Variants in TOM1L2 observed in about 807,000 individuals in gnomAD.
TOM1L2 encodes target of myb1 like 2 membrane trafficking protein.
Under a neutral mutation model 67.9 loss-of-function variants are expected in TOM1L2, and 31 were observed. The ratio of observed to expected loss-of-function variants is 0.46; its 90% CI spans 0.34 to 0.62. The LOEUF is 0.62. Among genes scored for constraint, TOM1L2 ranks in the 20% least tolerant of loss-of-function variants. The pLI is 0.01. For synonymous variants in TOM1L2, 256 were observed against 254.0 expected (o/e 1.01, Z -0.07); for missense variants, 606 against 663.5 (o/e 0.91, Z 0.95).
At position 17,906,132 on chromosome 17, in the gene TOM1L2, A is replaced by T. The variant is rs67325661; in HGVS notation, c.137+1315T>A. Among the ~76,000 whole-genome samples the T allele has an allele frequency of 0.014, 475 of 34,640 alleles. 4 individuals are homozygous for T. The East Asian group carries it at 0.29, about 21-fold the overall frequency. The allele number at this position is 34,640 out of a possible 152,430, so 22.7% of individuals were successfully genotyped here. A position where few individuals can be genotyped will look rare whatever the true frequency, so the allele number is the denominator to read the frequency against. On this transcript the variant is annotated intron_variant, in intron 2 of 14. Transcript: ENST00000379504. Reference sequence around the variant, plus strand: ...TTCTGTTGTTTTGTCTTCTCTTTTCATTTTTTTTTTTTTTGAGACAGGGTT... The same window carrying T: ...TTCTGTTGTTTTGTCTTCTCTTTTCTTTTTTTTTTTTTTTGAGACAGGGTT...
chr17:17,924,630 G>A (rs777229693), intron 1 of TOM1L2, among the ~76,000 whole-genome samples: 1 of 152,078 alleles, frequency 6.6e-6, no homozygotes, highest in Non-Finnish European at 1.5e-5. Flanking sequence ...CAGGCATGGT[G>A]GTACATGCCT....
At chr17:17,860,954 C>G (rs769071002) in intron 12 of TOM1L2, among the ~76,000 whole-genome samples, 7 of 152,200 alleles carry the variant, frequency 4.6e-5, no homozygotes, top group Non-Finnish European at 1.0e-4. Context: ...CTCTCGAGTG[C>G]CTTCTAATGG....
chr17:17,867,139 G>A (rs1215940656), intron 8 of TOM1L2, among the ~76,000 whole-genome samples: 1 of 152,154 alleles, frequency 6.6e-6, no homozygotes, highest in Non-Finnish European at 1.5e-5. Flanking sequence ...CCCAGAGTGG[G>A]CATCAGAAAG....
At chr17:17,924,994 C>T (rs985382486) in intron 1 of TOM1L2, among the ~76,000 whole-genome samples, 7 of 152,108 alleles carry the variant, frequency 4.6e-5, no homozygotes, top group African/African-American at 7.2e-5. Context: ...AATATCTGGT[C>T]AGTTAAAAGT....
At chr17:17,930,948 A>G (rs1429303308) in intron 1 of TOM1L2, among the ~76,000 whole-genome samples, 3 of 152,154 alleles carry the variant, frequency 2.0e-5, no homozygotes, top group Non-Finnish European at 4.4e-5. Context: ...AAGTTTTGAG[A>G]TTTATTGCAG....
chr17:17,966,053 G>A (rs113278018), intron 1 of TOM1L2, among the ~76,000 whole-genome samples: 7,343 of 152,148 alleles, frequency 0.048, 504 homozygotes, highest in African/African-American at 0.15. Context: ...CCCAGGAGGT[G>A]GAGGTTGCAG....
At chr17:17,933,001 T>C (rs2040395501) in intron 1 of TOM1L2, among the ~76,000 whole-genome samples, 1 of 152,226 alleles carries the variant, frequency 6.6e-6, no homozygotes, top group African/African-American at 2.4e-5. Context: ...TGCATTCAGC[T>C]GCAAGCAATT....
chr17:17,919,316 C>T (rs1366595681), intron 1 of TOM1L2, among the ~76,000 whole-genome samples: 1 of 152,180 alleles, frequency 6.6e-6, no homozygotes, highest in Non-Finnish European at 1.5e-5. Flanking sequence ...GGAGCTCTGC[C>T]AGTGCCCTCC....
intron 2 of TOM1L2, among the ~76,000 whole-genome samples, chr17:17,900,138 GGGAGAC>G (rs1396676337): frequency 6.6e-6 from 1 of 152,112 alleles, no homozygotes; most frequent in Admixed American, 6.6e-5. Context: ...GCTTGAACCT[GGGAGAC>G]GGAGGTTGCA....
intron 1 of TOM1L2, among the ~76,000 whole-genome samples, chr17:17,934,021 T>C (rs1234562633): frequency 4.6e-5 from 7 of 152,028 alleles, no homozygotes; most frequent in African/African-American, 1.4e-4. Flanking sequence ...ATTTAGATAC[T>C]AGGTTAGGAA....
chr17:17,968,223 G>T (rs192346676), intron 1 of TOM1L2, among the ~76,000 whole-genome samples: 1 of 152,160 alleles, frequency 6.6e-6, no homozygotes, highest in Admixed American at 6.5e-5. Context: ...CCTGGCACAG[G>T]CCTGGCCCCC....
At chr17:17,953,064 G>A (rs761548279) in intron 1 of TOM1L2, among the ~76,000 whole-genome samples, 1 of 152,158 alleles carries the variant, frequency 6.6e-6, no homozygotes, top group Non-Finnish European at 1.5e-5. Context: ...CAGATCACTT[G>A]AGGCCAGGAG....
chr17:17,961,081 GAAC>G (rs1568392619), intron 1 of TOM1L2, among the ~76,000 whole-genome samples: 1 of 152,008 alleles, frequency 6.6e-6, no homozygotes. Context: ...TCCTAAAACC[GAAC>G]AACAACAAAA....
At chr17:17,958,550 G>T (rs1380039860) in intron 1 of TOM1L2, among the ~76,000 whole-genome samples, 1 of 152,112 alleles carries the variant, frequency 6.6e-6, no homozygotes, top group African/African-American at 2.4e-5. Context: ...ACTACCCCAT[G>T]CTTACCCTCC....
At chr17:17,854,209 G>A (rs1160919680) in intron 12 of TOM1L2, among the ~76,000 whole-genome samples, 1 of 152,188 alleles carries the variant, frequency 6.6e-6, no homozygotes, top group Non-Finnish European at 1.5e-5. Context: ...TAATGTAGGT[G>A]CTATCAGACT....
intron 2 of TOM1L2, among the ~76,000 whole-genome samples, chr17:17,903,852 T>C (rs2038967861): frequency 6.6e-6 from 1 of 151,716 alleles, no homozygotes; most frequent in Non-Finnish European, 1.5e-5. Context: ...ATCCAGTGAA[T>C]GACGGGATCT....
At chr17:17,896,073 C>T (rs2038553152) in intron 3 of TOM1L2, among the ~76,000 whole-genome samples, 1 of 152,080 alleles carries the variant, frequency 6.6e-6, no homozygotes, top group Non-Finnish European at 1.5e-5. Flanking sequence ...AGGCATTTTC[C>T]TTTCTGAGTC....
At chr17:17,869,115 C>T in intron 8 of TOM1L2, 5 of 758,152 alleles carry the variant, frequency 6.6e-6, no homozygotes, top group Non-Finnish European at 1.0e-5. Flanking sequence ...AAGGGCAGAG[C>T]CTAATTCTGC....
In TOM1L2 at chr17:17,882,759, T is replaced by G. The variant is rs1331736510; in HGVS notation, c.606A>C (p.Ala202=). 3.7e-6 allele frequency: 6 copies of G among 1,613,998 alleles called. No homozygotes were observed. The highest frequency in any genetic ancestry group is 2.7e-5 in the African/African-American group (2 of 74,914). The change falls in exon 6 of 15, where the codon GCA becomes GCC. Residue 202 remains alanine (A), a synonymous_variant. Coordinates refer to ENST00000379504, the MANE Select transcript of TOM1L2 (RefSeq NM_001082968.2). Reference sequence around the variant, plus strand: ...TCACACTCAGAGCTGGGGCCTGCGGTGCGGAGTAGGGAGCAGGAGGCGGCG... The same window carrying G: ...TCACACTCAGAGCTGGGGCCTGCGGGGCGGAGTAGGGAGCAGGAGGCGGCG... The part of the protein sequence containing the change: ...YSSPPPAPYS[A]PQAPALSVTG...
Sources: gnomAD v4.1 joint callset for allele counts (sites outside exome capture counted in the v4.1 genomes callset) on GRCh38, gnomAD v4.1.1 for gene constraint, MANE v1.5 for transcripts, NCBI Gene and HGNC (gene_info 2026-07-23, HGNC 2026-07-21) for gene names.